Variants in CREBZF observed in about 807,000 individuals in gnomAD.
The protein encoded by CREBZF is HCF-binding transcription factor Zhangfei.
CREBZF carries 8 observed loss-of-function variants against 21.1 expected under a neutral mutation model. That is an observed-to-expected ratio of 0.38 (90% confidence interval 0.22 to 0.68). CREBZF has a LOEUF of 0.68. CREBZF is among the 30% of genes least tolerant of loss of function. CREBZF has a pLI of 0.51. For missense variants in CREBZF, 518 were observed against 484.3 expected, an observed-to-expected ratio of 1.07 and a Z score of -0.65; for synonymous variants, 270 against 223.3, an observed-to-expected ratio of 1.21 and a Z score of -1.86.
At chr11:85,676,028 G>C (rs2082940053) in intron 1 of CREBZF, among the ~76,000 whole-genome samples, 1 of 152,184 alleles carries the variant, frequency 6.6e-6, no homozygotes, top group Non-Finnish European at 1.5e-5. Flanking sequence ...GAACGCAACT[G>C]AATGAGAATT....
chr11:85,670,923 A>G (rs1421534829), intron 1 of CREBZF, among the ~76,000 whole-genome samples: 1 of 152,200 alleles, frequency 6.6e-6, no homozygotes, highest in Non-Finnish European at 1.5e-5. Flanking sequence ...ATTCAGCACA[A>G]CTTTTGTCCT....
chr11:85,682,764 G>A, exon 1 of CREBZF: 2 of 700,614 alleles, frequency 2.9e-6, no homozygotes, highest in African/African-American at 1.7e-5. Context: ...CTCTGCCCAT[G>A]GGACTTCTCC....
rs1210199612 is a variant in CREBZF at position 85,664,649 on chromosome 11, C to G, written c.227G>C (p.Arg76Pro). The G allele has an allele frequency of 6.2e-6, 10 of 1,605,588 alleles. No individual in the cohort carries two copies. Among genetic ancestry groups the G allele is most frequent in the Non-Finnish European group, 7.7e-6 (9 of 1,175,866 alleles). Residue 76 changes from arginine to proline, a missense_variant, in exon 1 of 1, where the codon CGC becomes CCC. Coordinates refer to ENST00000527447, the MANE Select transcript of CREBZF (RefSeq NM_001039618.4). The surrounding 1 kb of genome is among the most constrained non-coding windows in gnomAD (Gnocchi z 5.5). ...CTCCATCTCCTCGGGGGAGGGCGCGCGCACGGCCACGCCGCCGCGGCTCCC... is the reference window on the plus strand; with the variant it reads ...CTCCATCTCCTCGGGGGAGGGCGCGGGCACGGCCACGCCGCCGCGGCTCCC... Reference protein sequence around the residue: ...GRGSRGGVAVRAPSPEEMEEE... With the variant: ...GRGSRGGVAVPAPSPEEMEEE...
chr11:85,670,548 C>T (rs144535933), intron 1 of CREBZF, among the ~76,000 whole-genome samples: 8,132 of 151,894 alleles, frequency 0.054, 707 homozygotes, highest in African/African-American at 0.19. Flanking sequence ...GTGATCCACC[C>T]GCCTCGGCCT....
Position 85,662,339 on chromosome 11 carries a change from A to T in CREBZF, c.*1472T>A, listed in dbSNP as rs2082710100. ...TAATTATGAACATGTTAAAAATAAA[A>T]AACAGCAGAAGCCCTGATATTACCT... On this transcript the variant is annotated 3_prime_UTR_variant, in exon 1 of 1. Coordinates refer to ENST00000527447, the MANE Select transcript of CREBZF (RefSeq NM_001039618.4). 2.9e-6 allele frequency: 2 copies of T among 693,522 alleles called. No homozygotes were observed. The highest frequency in any genetic ancestry group is 5.4e-6 in the Non-Finnish European group (2 of 373,116). 43.0% of individuals were successfully genotyped at this position (693,522 alleles called of 1,614,324 possible).
chr11:85,663,552 G>GT lies in CREBZF; in HGVS notation c.*258dup. On this transcript the variant is annotated 3_prime_UTR_variant, in exon 1 of 1. Transcript: ENST00000527447. ...GTTGTGAGGCGGGAACGACTGTTCTGTAACCCCTACAACGGAGCCTGGCAG... is the reference window on the plus strand; with the variant it reads ...GTTGTGAGGCGGGAACGACTGTTCTGTTAACCCCTACAACGGAGCCTGGCAG... 1 of 1,401,068 alleles carries GT rather than the reference G, an allele frequency of 7.1e-7. No homozygotes were observed. 86.8% of individuals were successfully genotyped at this position (1,401,068 alleles called of 1,614,324 possible).
At chr11:85,669,590 T>TA (rs2082897933), upstream of CREBZF, among the ~76,000 whole-genome samples, 1 of 152,158 alleles carries the variant, frequency 6.6e-6, no homozygotes, top group Non-Finnish European at 1.5e-5. Flanking sequence ...AGAGATTTGT[T>TA]AAAGGGTCAC....
At chr11:85,665,610 T>C (rs1010708561), upstream of CREBZF, among the ~76,000 whole-genome samples, 15 of 151,276 alleles carry the variant, frequency 9.9e-5, no homozygotes, top group African/African-American at 1.7e-4. Context: ...TCCATATGTA[T>C]AGAAATATCA....
Position 85,660,331 on chromosome 11 carries a change from C to T in CREBZF, c.*3480G>A, listed in dbSNP as rs1423112087. 1 of 197,124 alleles carries T rather than the reference C, an allele frequency of 5.1e-6. No individual in the cohort carries two copies. The highest frequency in any genetic ancestry group is 1.6e-4 in the East Asian group (1 of 6,230). 12.2% of individuals were successfully genotyped at this position (197,124 alleles called of 1,614,324 possible). The stretch of plus-strand genomic sequence containing the variant: ...AACTGAGTATCACTCCCATGAAAGA[C>T]AAAAAAAGTATAATTTTGTTCCAAG... On this transcript the variant is annotated 3_prime_UTR_variant, in exon 1 of 1. Transcript: ENST00000527447.
upstream of CREBZF, among the ~76,000 whole-genome samples, chr11:85,666,581 T>C (rs148160330): frequency 1.3e-3 from 202 of 152,340 alleles, 1 homozygote; most frequent in African/African-American, 4.6e-3. Flanking sequence ...TATAGGATAC[T>C]GAATAATGTA....
In CREBZF at chr11:85,664,392, G is replaced by A; in HGVS notation, c.484C>T (p.Leu162=). 6.2e-7 allele frequency: 1 copy of A among 1,613,868 alleles called. No homozygotes were observed. The highest frequency in any genetic ancestry group is 8.5e-7 in the Non-Finnish European group (1 of 1,180,032). The change falls in exon 1 of 1, where the codon CTG becomes TTG. Residue 162 remains leucine (L), a synonymous_variant. Transcript: ENST00000527447. This position sits in a 1 kb window ranked among gnomAD's most constrained non-coding sequence, Gnocchi z 5.5. ...ATACCGTTTAACAGCCTTTGCAGCA[G>A]GTCAGAGAAGCGCTGCATTTCAGCA... ...AAAEMQRFSD[L]LQRLLNGIGG...
intron 1 of CREBZF, among the ~76,000 whole-genome samples, chr11:85,682,328 A>G (rs185972002): frequency 5.9e-5 from 9 of 152,082 alleles, no homozygotes; most frequent in Non-Finnish European, 1.2e-4. Context: ...CTCTTAGTCT[A>G]TGTTGTGGGC....
rs2082574358 is a variant in CREBZF at position 85,658,295 on chromosome 11, A to G, written c.*5516T>C. ...TCCTTACTTATCTTTAAACATTCCT[A>G]GTCCAATTACTCCCTAGCATAATAC... On this transcript the variant is annotated 3_prime_UTR_variant, in exon 1 of 1. Coordinates refer to ENST00000527447, the MANE Select transcript of CREBZF (RefSeq NM_001039618.4). 6.6e-6 allele frequency among the ~76,000 whole-genome samples: 1 copy of G among 152,052 alleles called. No homozygotes were observed. The highest frequency in any genetic ancestry group is 2.4e-5 in the African/African-American group (1 of 41,450).
intron 1 of CREBZF, among the ~76,000 whole-genome samples, chr11:85,678,285 G>A (rs2082954425): frequency 6.6e-6 from 1 of 152,174 alleles, no homozygotes; most frequent in Non-Finnish European, 1.5e-5. Flanking sequence ...TGGGAGGCAA[G>A]AAACAGGCCC....
Position 85,662,304 on chromosome 11 carries a change from A to G in CREBZF, c.*1507T>C, listed in dbSNP as rs1429206416. The G allele has an allele frequency of 1.5e-6, 1 of 665,842 alleles. No individual in the cohort carries two copies. Among genetic ancestry groups the G allele is most frequent in the Non-Finnish European group, 2.8e-6 (1 of 357,474 alleles). 41.2% of individuals were successfully genotyped at this position (665,842 alleles called of 1,614,324 possible). A position where few individuals can be genotyped will look rare whatever the true frequency, so the allele number is the denominator to read the frequency against. On this transcript the variant is annotated 3_prime_UTR_variant, in exon 1 of 1. Coordinates refer to ENST00000527447, the MANE Select transcript of CREBZF (RefSeq NM_001039618.4). ...TAACTTACATCTTTGGACTGCTGGAAAATACTTTTTAATTATGAACATGTT... is the reference window on the plus strand; with the variant it reads ...TAACTTACATCTTTGGACTGCTGGAGAATACTTTTTAATTATGAACATGTT...
At chr11:85,670,348 A>AC (rs1398261070) in intron 1 of CREBZF, among the ~76,000 whole-genome samples, 1 of 36 alleles carries the variant, frequency 0.028, no homozygotes, top group African/African-American at 0.083. Flanking sequence ...TCTGTCACCC[A>AC]GGTGGAGTGC....
At chr11:85,666,061 T>TC (rs1321758599), upstream of CREBZF, among the ~76,000 whole-genome samples, 1 of 152,238 alleles carries the variant, frequency 6.6e-6, no homozygotes, top group Non-Finnish European at 1.5e-5. Flanking sequence ...CATTTTTTTT[T>TC]CCTTTAAAAC....
At position 85,658,235 on chromosome 11, in the gene CREBZF, T is replaced by C. The variant is rs989682148; in HGVS notation, c.*5576A>G. On this transcript the variant is annotated 3_prime_UTR_variant, in exon 1 of 1. Transcript: ENST00000527447. ...TTAGATAATTCAAAGCCCAATGATATAACTAAGTTCTTTGACGATTGAGCA... is the reference window on the plus strand; with the variant it reads ...TTAGATAATTCAAAGCCCAATGATACAACTAAGTTCTTTGACGATTGAGCA... Among the ~76,000 whole-genome samples the C allele has an allele frequency of 6.6e-6, 1 of 152,000 alleles. No individual in the cohort carries two copies. The highest frequency in any genetic ancestry group is 2.4e-5 in the African/African-American group (1 of 41,444).
intron 1 of CREBZF, among the ~76,000 whole-genome samples, chr11:85,675,111 G>A (rs2153329635): frequency 6.6e-6 from 1 of 152,264 alleles, no homozygotes; most frequent in Admixed American, 6.5e-5. Flanking sequence ...CAATAAGGAT[G>A]TTTTATTTTC....
Sources: gnomAD v4.1 joint callset for allele counts (sites outside exome capture counted in the v4.1 genomes callset) on GRCh38, gnomAD v4.1.1 for gene constraint, Gnocchi (gnomAD v3.1) non-coding constraint, MANE v1.5 for transcripts, NCBI Gene and HGNC (gene_info 2026-07-23, HGNC 2026-07-21) for gene names.